Variants in LMX1B observed in about 807,000 individuals in gnomAD.
LMX1B encodes LIM homeobox transcription factor 1 beta.
A neutral mutation model predicts 51.4 loss-of-function variants in LMX1B; 12 were observed. The observed-to-expected ratio is 0.23, with a 90% CI of 0.15 to 0.38. LMX1B has a LOEUF of 0.38. Ranked by LOEUF, LMX1B falls within the 10% of genes least tolerant of loss-of-function variation. The probability of loss-of-function intolerance (pLI) is 1.00; values close to 1 mark genes in which losing one functional copy is unlikely to be tolerated. For synonymous variants in LMX1B, 237 were observed against 235.4 expected (o/e 1.01, Z -0.06); for missense variants, 445 against 571.1 (o/e 0.78, Z 2.25).
intron 1 of LMX1B, 135 bp downstream of exon 1, chr9:126,614,723 T>C: frequency 2.0e-6 from 2 of 1,001,494 alleles, no homozygotes; most frequent in Admixed American, 3.5e-5. Context: ...GAGACAGGAC[T>C]CCTGGAGTGA....
intron 2 of LMX1B, among the ~76,000 whole-genome samples, chr9:126,661,398 G>A (rs1433351157): frequency 6.6e-6 from 1 of 152,212 alleles, no homozygotes; most frequent in Non-Finnish European, 1.5e-5. Flanking sequence ...CAGTTGGACA[G>A]ACTAGGCAGC....
intron 2 of LMX1B, among the ~76,000 whole-genome samples, chr9:126,627,408 G>T (rs976927059): frequency 6.6e-6 from 1 of 151,964 alleles, no homozygotes; most frequent in Non-Finnish European, 1.5e-5. Context: ...TGCTTGGCTT[G>T]AGCTAACTTT....
intron 2 of LMX1B, among the ~76,000 whole-genome samples, chr9:126,622,448 G>A (rs1204609142): frequency 1.3e-5 from 2 of 152,196 alleles, no homozygotes; most frequent in Admixed American, 6.5e-5. Context: ...CCGAGCTGCT[G>A]GGTAGCTGAA....
chr9:126,666,348 C>T (rs763844153), intron 2 of LMX1B, among the ~76,000 whole-genome samples: 4 of 152,130 alleles, frequency 2.6e-5, no homozygotes, highest in Non-Finnish European at 5.9e-5. Context: ...AGCCAAGGCA[C>T]GGAGTTGAGG....
At chr9:126,643,110 A>G (rs1256978336) in intron 2 of LMX1B, among the ~76,000 whole-genome samples, 1 of 152,120 alleles carries the variant, frequency 6.6e-6, no homozygotes, top group Non-Finnish European at 1.5e-5. Context: ...TAAGATCTTC[A>G]CAGCTTGTTA....
At chr9:126,692,910 G>A (rs1294966592) in intron 3 of LMX1B, among the ~76,000 whole-genome samples, 3 of 152,252 alleles carry the variant, frequency 2.0e-5, no homozygotes, top group Admixed American at 6.5e-5. Context: ...TGAGGCGTGT[G>A]TGCCGGGGAA....
intron 2 of LMX1B, among the ~76,000 whole-genome samples, chr9:126,643,270 G>C (rs1435090729): frequency 6.6e-6 from 1 of 152,144 alleles, no homozygotes; most frequent in Admixed American, 6.5e-5. Context: ...GAGGAACTGG[G>C]GGTCTCAGGG....
rs1554727268 is a variant in LMX1B at position 126,678,335 on chromosome 9, A to AAC, written c.327-12500_327-12499insCA. Among the ~76,000 whole-genome samples, 313 of 141,184 alleles carry AAC rather than the reference A, an allele frequency of 2.2e-3. 3 individuals carry two copies. The highest frequency in any genetic ancestry group is 0.01 in the South Asian group (45 of 4,368). The allele number at this position is 141,184 out of a possible 152,430, so 92.6% of individuals were successfully genotyped here. A position where few individuals can be genotyped will look rare whatever the true frequency, so the allele number is the denominator to read the frequency against. On this transcript the variant is annotated intron_variant, in intron 2 of 7. Transcript: ENST00000373474. ...AAAAAAAAAAAACAAAAAACAAAAA[A>AAC]AAAAAACAAAAAGACTGCGGAGAAG...
chr9:126,691,145 G>C, intron 3 of LMX1B, 77 bp downstream of exon 3: 1 of 1,122,578 alleles, frequency 8.9e-7, no homozygotes, highest in Non-Finnish European at 1.3e-6. Flanking sequence ...GTCCCGGCTG[G>C]AGAAGCCACC....
At chr9:126,690,041 A>G (rs2030065259) in intron 2 of LMX1B, among the ~76,000 whole-genome samples, 2 of 152,220 alleles carry the variant, frequency 1.3e-5, no homozygotes, top group South Asian at 4.1e-4. Flanking sequence ...GCCAAAGGAC[A>G]GAGAAAGATG....
intron 7 of LMX1B, 51 bp from the exon 8 acceptor site, chr9:126,696,243 C>G (rs899139618): frequency 1.3e-6 from 2 of 1,592,556 alleles, no homozygotes; most frequent in Non-Finnish European, 1.7e-6. Context: ...ACAGGGGGCC[C>G]CCAGGAGCCC....
In LMX1B at chr9:126,691,022, G is replaced by A; in HGVS notation, c.513G>A (p.Lys171=). 6.2e-7 allele frequency: 1 copy of A among 1,613,924 alleles called. No homozygotes were observed. Among genetic ancestry groups the A allele is most frequent in the African/African-American group, 1.3e-5 (1 of 75,056 alleles). The change falls in exon 3 of 8, where the codon AAG becomes AAA. Residue 171 remains lysine, a synonymous_variant. Coordinates refer to ENST00000373474, the MANE Select transcript of LMX1B (RefSeq NM_001174147.2). ...TGCTGTGCAAGGGTGACTACGAGAA[G>A]GAGAAGGACCTGCTCAGCTCCGTGA... The part of the protein sequence containing the change: ...GQLLCKGDYE[K]EKDLLSSVSP...
rs1835255991 is a variant in LMX1B at position 126,614,345 on chromosome 9, G to GGGGCCGCGCCTCCCCGGTTCCA, written c.-96_-75dup. ...GGGCCGGCGCAACCCCTGCCCTGCG[G>GGGGCCGCGCCTCCCCGGTTCCA]GGGCCGCGCCTCCCCGGTTCCAGGG... On this transcript the variant is annotated 5_prime_UTR_variant, in exon 1 of 8. Coordinates refer to ENST00000373474, the MANE Select transcript of LMX1B (RefSeq NM_001174147.2). The GGGGCCGCGCCTCCCCGGTTCCA allele has an allele frequency of 2.4e-6, 2 of 837,650 alleles. No homozygotes were observed. Among genetic ancestry groups the GGGGCCGCGCCTCCCCGGTTCCA allele is most frequent in the Non-Finnish European group, 2.9e-6 (2 of 680,554 alleles). 51.9% of individuals were successfully genotyped at this position (837,650 alleles called of 1,614,324 possible). A position where few individuals can be genotyped will look rare whatever the true frequency, so the allele number is the denominator to read the frequency against.
chr9:126,618,940 C>T lies in LMX1B; in HGVS notation c.326+3371C>T, dbSNP rs937553333. ...CACGGCGAGACGCGGGGTTCCGGCC[C>T]GGGCCGCGCTCCTACCTCGGCGGCG... On this transcript the variant is annotated intron_variant, in intron 2 of 7. Coordinates refer to ENST00000373474, the MANE Select transcript of LMX1B (RefSeq NM_001174147.2). The surrounding 1 kb of genome is among the most constrained non-coding windows in gnomAD (Gnocchi z 4.5). Among the ~76,000 whole-genome samples the T allele has an allele frequency of 6.6e-6, 1 of 151,892 alleles. No individual in the cohort carries two copies. Among genetic ancestry groups the T allele is most frequent in the African/African-American group, 2.4e-5 (1 of 41,370 alleles).
In LMX1B at chr9:126,671,905, T is replaced by C. The variant is rs773819989; in HGVS notation, c.327-18931T>C. On this transcript the variant is annotated intron_variant, in intron 2 of 7. Transcript: ENST00000373474. The surrounding 1 kb of genome is among the most constrained non-coding windows in gnomAD (Gnocchi z 4.4). Reference sequence around the variant, plus strand: ...GCAGAGAGGGAATAGAGGTCGGCATTCTCCACCACCCCCTTCTCCTGGACT... The same window carrying C: ...GCAGAGAGGGAATAGAGGTCGGCATCCTCCACCACCCCCTTCTCCTGGACT... Among the ~76,000 whole-genome samples the C allele has an allele frequency of 2.0e-5, 3 of 152,196 alleles. No homozygotes were observed. Among genetic ancestry groups the C allele is most frequent in the Non-Finnish European group, 4.4e-5 (3 of 68,032 alleles).
rs938923593 is a variant in LMX1B at position 126,695,487 on chromosome 9, G to A, written c.887-352G>A. Among the ~76,000 whole-genome samples, 1 of 152,242 alleles carries A rather than the reference G, an allele frequency of 6.6e-6. No individual in the cohort carries two copies. The highest frequency in any genetic ancestry group is 1.9e-4 in the East Asian group (1 of 5,190). ...ATCAGGGCGGGGGCCCTTTCCTCCA[G>A]GAAGTCTTCCCGGGGCCTTTTTGGC... On this transcript the variant is annotated intron_variant, in intron 6 of 7. Coordinates refer to ENST00000373474, the MANE Select transcript of LMX1B (RefSeq NM_001174147.2). The surrounding 1 kb of genome is among the most constrained non-coding windows in gnomAD (Gnocchi z 5.2).
chr9:126,632,728 T>C (rs997687682), intron 2 of LMX1B, among the ~76,000 whole-genome samples: 1 of 152,058 alleles, frequency 6.6e-6, no homozygotes, highest in Admixed American at 6.5e-5. Context: ...GAACCCCAGG[T>C]ACTCAGCTGC....
At chr9:126,624,413 G>C (rs1445053953) in intron 2 of LMX1B, among the ~76,000 whole-genome samples, 1 of 152,210 alleles carries the variant, frequency 6.6e-6, no homozygotes, top group Non-Finnish European at 1.5e-5. Context: ...AAGCCCTCCT[G>C]CCGACCCCCT....
chr9:126,696,331 C>T lies in LMX1B; in HGVS notation c.1089C>T (p.Thr363=). The change falls in exon 8 of 8, where the codon ACC becomes ACT. Residue 363 remains threonine, a synonymous_variant. Coordinates refer to ENST00000373474, the MANE Select transcript of LMX1B (RefSeq NM_001174147.2). Reference sequence around the variant, plus strand: ...TCTTCCATGACATCGACAGCGATACCTCCTTAACCAGCCTCAGCGACTGCT... The same window carrying T: ...TCTTCCATGACATCGACAGCGATACTTCCTTAACCAGCCTCAGCGACTGCT... The part of the protein sequence containing the change: ...DSIFHDIDSD[T]SLTSLSDCFL... 6.2e-7 allele frequency: 1 copy of T among 1,614,126 alleles called. No homozygotes were observed. Among genetic ancestry groups the T allele is most frequent in the Non-Finnish European group, 8.5e-7 (1 of 1,180,000 alleles).
Sources: gnomAD v4.1 joint callset for allele counts (sites outside exome capture counted in the v4.1 genomes callset) on GRCh38, gnomAD v4.1.1 for gene constraint, Gnocchi (gnomAD v3.1) non-coding constraint, MANE v1.5 for transcripts, NCBI Gene and HGNC (gene_info 2026-07-23, HGNC 2026-07-21) for gene names.